The following PHF14 variants were observed in gnomAD, a reference collection of about 807,000 sequenced individuals.
The protein encoded by PHF14 is PHD finger protein 14.
Under a neutral mutation model 117.9 loss-of-function variants are expected in PHF14, and 55 were observed. The observed-to-expected ratio is 0.47, with a 90% CI of 0.38 to 0.58. PHF14 has a LOEUF of 0.58. PHF14 is among the 20% of genes least tolerant of loss of function. The probability of loss-of-function intolerance (pLI) is 0.00; values close to 1 mark genes in which losing one functional copy is unlikely to be tolerated. For missense variants in PHF14, 978 were observed against 1,122.2 expected, an observed-to-expected ratio of 0.87 and a Z score of 1.84; for synonymous variants, 409 against 368.6, an observed-to-expected ratio of 1.11 and a Z score of -1.26.
At chr7:11,154,672 GACA>G (rs1788791651) in intron 17 of PHF14, among the ~76,000 whole-genome samples, 1 of 152,050 alleles carries the variant, frequency 6.6e-6, no homozygotes, top group Non-Finnish European at 1.5e-5. Context: ...TCTCTACAAT[GACA>G]ACATCATGCA....
intron 17 of PHF14, among the ~76,000 whole-genome samples, chr7:11,164,755 G>T (rs2128358000): frequency 6.6e-6 from 1 of 152,122 alleles, no homozygotes; most frequent in East Asian, 1.9e-4. Flanking sequence ...TTGAAACCAA[G>T]ACATTAACTT....
intron 4 of PHF14, among the ~76,000 whole-genome samples, chr7:11,002,720 AG>A (rs1338513771): frequency 6.6e-6 from 1 of 151,706 alleles, no homozygotes; most frequent in Non-Finnish European, 1.5e-5. Flanking sequence ...CTGGGATTAC[AG>A]ACGTGAGCCA....
At chr7:11,102,572 T>G in intron 16 of PHF14, 2 of 1,604,950 alleles carry the variant, frequency 1.2e-6, no homozygotes, top group Non-Finnish European at 1.7e-6. Flanking sequence ...TTTAAAAATG[T>G]GGATTAAACT....
At chr7:10,994,930 C>G (rs1253039071) in intron 4 of PHF14, among the ~76,000 whole-genome samples, 1 of 152,224 alleles carries the variant, frequency 6.6e-6, no homozygotes, top group Non-Finnish European at 1.5e-5. Context: ...CCATTGCTGG[C>G]TGGGGCAGCT....
chr7:11,031,229 G>C (rs1784111792), intron 7 of PHF14, among the ~76,000 whole-genome samples: 1 of 151,772 alleles, frequency 6.6e-6, no homozygotes. Flanking sequence ...AAACATATCA[G>C]TTTCATCTAA....
chr7:10,996,499 A>C (rs1017099631), intron 4 of PHF14, among the ~76,000 whole-genome samples: 3 of 152,236 alleles, frequency 2.0e-5, no homozygotes, highest in Admixed American at 6.5e-5. Flanking sequence ...GAGAGTCAGT[A>C]AATGTGTCAA....
At chr7:11,103,769 A>G (rs1057247409) in intron 16 of PHF14, 8 of 984,956 alleles carry the variant, frequency 8.1e-6, no homozygotes, top group African/African-American at 7.0e-5. Flanking sequence ...AGTGATCTCT[A>G]GTTACAGTGA....
intron 17 of PHF14, among the ~76,000 whole-genome samples, chr7:11,157,881 C>A (rs1382814633): frequency 6.6e-6 from 1 of 152,104 alleles, no homozygotes; most frequent in Non-Finnish European, 1.5e-5. Flanking sequence ...TGGCAGGTAA[C>A]TTTATAGTAC....
At chr7:11,110,359 T>C (rs1787403509) in intron 16 of PHF14, 1 of 153,902 alleles carries the variant, frequency 6.5e-6, no homozygotes, top group South Asian at 2.1e-4. Flanking sequence ...TGAGAAAGTA[T>C]TATTGTTTAA....
At chr7:11,030,110 G>A (rs1443249700) in intron 7 of PHF14, among the ~76,000 whole-genome samples, 1 of 150,268 alleles carries the variant, frequency 6.7e-6, no homozygotes, top group African/African-American at 2.5e-5. Flanking sequence ...TTAAGGAATT[G>A]TACTTTGATG....
intron 4 of PHF14, among the ~76,000 whole-genome samples, chr7:11,004,351 C>CTTT (rs56235368): frequency 1.1e-4 from 15 of 130,738 alleles, no homozygotes; most frequent in African/African-American, 3.9e-4. Flanking sequence ...TTCTTCCAGG[C>CTTT]TTTTTTTTTT....
chr7:11,087,218 G>T (rs1179963056), intron 16 of PHF14, among the ~76,000 whole-genome samples: 5 of 149,774 alleles, frequency 3.3e-5, no homozygotes, highest in Admixed American at 2.0e-4. Flanking sequence ...TTAAGATGGA[G>T]TCTCGCTCTG....
chr7:10,974,577 G>C (rs1781798114), intron 1 of PHF14, among the ~76,000 whole-genome samples: 2 of 152,170 alleles, frequency 1.3e-5, no homozygotes, highest in Admixed American at 1.3e-4. Context: ...ATGAGCAAGA[G>C]GGTCAGCTTC....
chr7:11,107,314 A>G, intron 16 of PHF14: 1 of 951,160 alleles, frequency 1.1e-6, no homozygotes, highest in Non-Finnish European at 1.3e-6. Flanking sequence ...GCTATTCTTA[A>G]TCATATACTA....
intron 12 of PHF14, 37 bp from the exon 13 acceptor site, chr7:11,042,643 AATT>A: frequency 7.1e-7 from 1 of 1,414,016 alleles, no homozygotes; most frequent in Non-Finnish European, 9.7e-7. Context: ...TCACTATGAT[AATT>A]ATTATTGAAA....
intron 4 of PHF14, among the ~76,000 whole-genome samples, chr7:11,002,473 T>C (rs1015709159): frequency 6.7e-6 from 1 of 149,784 alleles, no homozygotes; most frequent in African/African-American, 2.5e-5. Flanking sequence ...AGTTTTGCTC[T>C]TGTTGTCCAG....
intron 17 of PHF14, among the ~76,000 whole-genome samples, chr7:11,168,512 A>G (rs1026593669): frequency 2.0e-5 from 3 of 152,332 alleles, no homozygotes; most frequent in Admixed American, 6.5e-5. Flanking sequence ...TTCATCAGAT[A>G]CAGAGATAGA....
chr7:11,087,807 A>G lies in PHF14; in HGVS notation c.2655-23543A>G, dbSNP rs566329732. The stretch of plus-strand genomic sequence containing the variant: ...CTGTCACTCTTTTCTGGCATTGGAT[A>G]AACATTTTGAAATATGCAATAAGAA... On this transcript the variant is annotated intron_variant, in intron 16 of 17. Transcript: ENST00000634607. Among the ~76,000 whole-genome samples the G allele has an allele frequency of 2.0e-5, 3 of 152,316 alleles. No individual in the cohort carries two copies. In the South Asian group the frequency reaches 6.2e-4, roughly 32 times the overall value.
chr7:11,008,380 G>C (rs935502465), intron 4 of PHF14, among the ~76,000 whole-genome samples: 2 of 152,182 alleles, frequency 1.3e-5, no homozygotes, highest in African/African-American at 4.8e-5. Flanking sequence ...TCCTTGGCCT[G>C]TTAGGAACTG....
Sources: gnomAD v4.1 joint callset for allele counts (sites outside exome capture counted in the v4.1 genomes callset) on GRCh38, gnomAD v4.1.1 for gene constraint, MANE v1.5 for transcripts, NCBI Gene and HGNC (gene_info 2026-07-23, HGNC 2026-07-21) for gene names.